The following FPR3 variants were observed in gnomAD, a reference collection of about 807,000 sequenced individuals.
The protein encoded by FPR3 is N-formyl peptide receptor 3.
For synonymous variants in FPR3, 135 were observed against 163.6 expected, an observed-to-expected ratio of 0.83 and a Z score of 1.34; for missense variants, 346 against 443.2, an observed-to-expected ratio of 0.78 and a Z score of 1.97.
At chr19:51,818,158 G>A (rs1427669399) in intron 1 of FPR3, among the ~76,000 whole-genome samples, 2 of 152,068 alleles carry the variant, frequency 1.3e-5, no homozygotes, top group Non-Finnish European at 2.9e-5. Flanking sequence ...TTAACCTTAA[G>A]TGTGCTATAA....
chr19:51,811,881 T>C (rs1441632878), intron 1 of FPR3, among the ~76,000 whole-genome samples: 1 of 152,186 alleles, frequency 6.6e-6, no homozygotes, highest in Non-Finnish European at 1.5e-5. Context: ...TGTTTGATCA[T>C]ATAGCCTCCA....
rs548737438 is a variant in FPR3, at chr19:51,821,583, G to A, written c.-10-2156G>A. Among the ~76,000 whole-genome samples the A allele has an allele frequency of 3.9e-5, 6 of 152,244 alleles. No individual in the cohort carries two copies. In the South Asian group the frequency reaches 1.2e-3, roughly 32 times the overall value. ...GACCTCAGTGAAAGTGACTGGTAAT[G>A]ACAGGAAGAAAAGAAGGAAGAGAGA... On this transcript the variant is annotated intron_variant, in intron 1 of 1. Coordinates refer to ENST00000339223, the MANE Select transcript of FPR3 (RefSeq NM_002030.5).
intron 1 of FPR3, chr19:51,805,321 A>G (rs1398599267): frequency 2.6e-5 from 4 of 152,364 alleles, no homozygotes; most frequent in East Asian, 1.9e-4. Context: ...TTACTGTGGT[A>G]CTTTAGATAG....
At chr19:51,821,756 C>T (rs1254533490) in intron 1 of FPR3, among the ~76,000 whole-genome samples, 1 of 151,896 alleles carries the variant, frequency 6.6e-6, no homozygotes, top group Non-Finnish European at 1.5e-5. Context: ...GCTGCCTCCA[C>T]TGACCGGCTG....
chr19:51,802,016 T>TA (rs1484425464), intron 1 of FPR3, among the ~76,000 whole-genome samples: 1 of 152,202 alleles, frequency 6.6e-6, no homozygotes. Flanking sequence ...TTTTGGCACT[T>TA]ACAAATTGGC....
At chr19:51,817,511 G>GT (rs1158097812) in intron 1 of FPR3, among the ~76,000 whole-genome samples, 41 of 129,486 alleles carry the variant, frequency 3.2e-4, no homozygotes, top group African/African-American at 1.0e-3. Flanking sequence ...CAGTCAATCT[G>GT]TTTTGTTTTT....
intron 1 of FPR3, among the ~76,000 whole-genome samples, chr19:51,808,869 T>C (rs1250330828): frequency 2.0e-5 from 3 of 152,230 alleles, no homozygotes; most frequent in African/African-American, 7.2e-5. Flanking sequence ...ATTGTTCTTT[T>C]ACTAGCTGCT....
Position 51,824,219 on chromosome 19 carries a change from CT to C in FPR3, c.473del (p.Leu158TyrfsTer10), listed in dbSNP as rs770652442. On this transcript the variant is annotated frameshift_variant, in exon 2 of 2. Transcript: ENST00000339223. LOFTEE classifies it low-confidence loss of function (END_TRUNC). This position sits in a 1 kb window ranked among gnomAD's most constrained non-coding sequence, Gnocchi z 4.7. ...GLWIFTIVLTLPNFIFWTTIS... is the reference protein window; with the variant it reads ...GLWIFTIVLTXPNFIFWTTIS... ...TCTGGATTTTCACCATAGTCCTTAC[CT>C]TACCAAATTTCATCTTCTGGACTAC... is the stretch of plus-strand genomic sequence containing the variant. 11 of 1,614,156 alleles carry C rather than the reference CT, an allele frequency of 6.8e-6. No homozygotes were observed. Among genetic ancestry groups the C allele is most frequent in the Non-Finnish European group, 9.3e-6 (11 of 1,180,012 alleles).
At chr19:51,795,595 C>A (rs1191638624) in intron 1 of FPR3, among the ~76,000 whole-genome samples, 1 of 141,540 alleles carries the variant, frequency 7.1e-6, no homozygotes, top group Non-Finnish European at 1.5e-5. Context: ...CCCACTGCAA[C>A]CTCTGCCTCC....
At chr19:51,796,428 T>C in intron 1 of FPR3, among the ~76,000 whole-genome samples, 1 of 152,160 alleles carries the variant, frequency 6.6e-6, no homozygotes, top group East Asian at 1.9e-4. Context: ...CATCGGAAGG[T>C]ATTGCGAATA....
rs765308727 is a variant in FPR3, at chr19:51,824,065, A to C, written c.317A>C (p.Asp106Ala). The change falls in exon 2 of 2, where the codon GAC becomes GCC. Residue 106 changes from aspartate (D) to alanine (A), a missense_variant. Transcript: ENST00000339223. This position sits in a 1 kb window ranked among gnomAD's most constrained non-coding sequence, Gnocchi z 4.7. ...FLCKLVHVMI[D>A]INLFVSVYLI... is the part of the protein sequence containing the mutation. ...TGTAAGTTAGTTCATGTTATGATAGACATCAACCTGTTTGTCAGTGTCTAC... is the reference window on the plus strand; with the variant it reads ...TGTAAGTTAGTTCATGTTATGATAGCCATCAACCTGTTTGTCAGTGTCTAC... 6.2e-7 allele frequency: 1 copy of C among 1,614,108 alleles called. No homozygotes were observed. Among genetic ancestry groups the C allele is most frequent in the East Asian group, 2.2e-5 (1 of 44,874 alleles).
chr19:51,825,708 A>G lies in FPR3; in HGVS notation c.*898A>G, dbSNP rs1463811859. ...GAGTCATTCCAGGATGAGTGGCTCA[A>G]GTATTTCCTCAGGGAAAATACTTCT... On this transcript the variant is annotated 3_prime_UTR_variant, in exon 2 of 2. Transcript: ENST00000339223. 2 of 167,104 alleles carry G rather than the reference A, an allele frequency of 1.2e-5. No individual in the cohort carries two copies. The highest frequency in any genetic ancestry group is 4.8e-5 in the African/African-American group (2 of 41,456). 10.4% of individuals were successfully genotyped at this position (167,104 alleles called of 1,614,324 possible). A position where few individuals can be genotyped will look rare whatever the true frequency, so the allele number is the denominator to read the frequency against.
intron 1 of FPR3, among the ~76,000 whole-genome samples, chr19:51,801,219 T>C (rs1219084670): frequency 6.6e-6 from 1 of 152,088 alleles, no homozygotes; most frequent in African/African-American, 2.4e-5. Context: ...TGGCCCTAGA[T>C]TATTTATTAA....
rs1050848211 is a variant in FPR3, at chr19:51,825,113, A to T, written c.*303A>T. 1 of 289,694 alleles carries T rather than the reference A, an allele frequency of 3.5e-6. No individual in the cohort carries two copies. Among genetic ancestry groups the T allele is most frequent in the Non-Finnish European group, 6.8e-6 (1 of 146,806 alleles). The allele number at this position is 289,694 out of a possible 1,614,324, so 17.9% of individuals were successfully genotyped here. ...ACAAGTCACAAATCCAGGCTTCTGA[A>T]ACTTCGGACCAACCAGCTTCAATCA... On this transcript the variant is annotated 3_prime_UTR_variant, in exon 2 of 2. Transcript: ENST00000339223.
At chr19:51,809,474 T>G (rs1207471074) in intron 1 of FPR3, among the ~76,000 whole-genome samples, 1 of 152,200 alleles carries the variant, frequency 6.6e-6, no homozygotes, top group Non-Finnish European at 1.5e-5. Context: ...AGATTTCTCA[T>G]GTAGTTGTGC....
chr19:51,818,976 T>A (rs1357236334), intron 1 of FPR3, among the ~76,000 whole-genome samples: 3 of 152,224 alleles, frequency 2.0e-5, no homozygotes, highest in Non-Finnish European at 4.4e-5. Flanking sequence ...TGTACAAATA[T>A]CCAAGCCTGA....
rs902930803 is a variant in FPR3 at position 51,823,891 on chromosome 19, T to A, written c.143T>A (p.Ile48Asn). ...VFGVLGNGLV[I>N]WVAGFRMTRT... ...GGGGTCCTGGGCAATGGGCTTGTGA[T>A]CTGGGTGGCTGGATTCCGGATGACA... Residue 48 changes from isoleucine to asparagine, a missense_variant, in exon 2 of 2, where the codon ATC (isoleucine) becomes AAC (asparagine). Ile to Asn is a moderately radical substitution (Grantham distance 149). Transcript: ENST00000339223. 6.2e-7 allele frequency: 1 copy of A among 1,614,126 alleles called. No homozygotes were observed. The highest frequency in any genetic ancestry group is 8.5e-7 in the Non-Finnish European group (1 of 1,180,006).
At chr19:51,820,502 C>G (rs1475752893) in intron 1 of FPR3, among the ~76,000 whole-genome samples, 1 of 152,204 alleles carries the variant, frequency 6.6e-6, no homozygotes, top group East Asian at 1.9e-4. Context: ...CACTTTGTAA[C>G]TAGGGTGGAT....
chr19:51,825,384 T>C lies in FPR3; in HGVS notation c.*574T>C, dbSNP rs1490548578. The C allele has an allele frequency of 6.0e-6, 1 of 167,370 alleles. No individual in the cohort carries two copies. The highest frequency in any genetic ancestry group is 2.4e-5 in the African/African-American group (1 of 41,454). 10.4% of individuals were successfully genotyped at this position (167,370 alleles called of 1,614,324 possible). A position where few individuals can be genotyped will look rare whatever the true frequency, so the allele number is the denominator to read the frequency against. On this transcript the variant is annotated 3_prime_UTR_variant, in exon 2 of 2. Transcript: ENST00000339223. The stretch of plus-strand genomic sequence containing the variant: ...CAAATCCAGTCCTCTTGGGTTTTTA[T>C]GGAAGCTTCATGATGTCAGCATTCT...
Sources: allele counts gnomAD v4.1 joint callset (sites outside exome capture counted in the v4.1 genomes callset), GRCh38; gene constraint gnomAD v4.1.1; non-coding constraint Gnocchi (gnomAD v3.1); transcripts MANE v1.5; gene names NCBI Gene and HGNC (gene_info 2026-07-23, HGNC 2026-07-21).